Variants in SNX30 observed in about 807,000 individuals in gnomAD.
SNX30 encodes the protein sorting nexin-30.
In SNX30, 24 loss-of-function variants were observed where a neutral mutation model predicts 46.4. That is an observed-to-expected ratio of 0.52 (90% CI 0.37 to 0.73). SNX30 has a LOEUF of 0.73. SNX30 is among the 30% of genes least tolerant of loss of function. The pLI is 0.00. For missense variants in SNX30, 533 were observed against 555.7 expected (o/e 0.96, Z 0.41); for synonymous variants, 189 against 211.5 (o/e 0.89, Z 0.92).
At chr9:112,795,915 A>G (rs1840102026) in intron 1 of SNX30, among the ~76,000 whole-genome samples, 1 of 152,164 alleles carries the variant, frequency 6.6e-6, no homozygotes, top group Non-Finnish European at 1.5e-5. Flanking sequence ...GTGTCTTCAA[A>G]GTATTGAGAA....
intron 8 of SNX30, among the ~76,000 whole-genome samples, chr9:112,867,758 C>T (rs1841384993): frequency 6.7e-6 from 1 of 150,098 alleles, no homozygotes. Flanking sequence ...AACCTCTCCC[C>T]ACCTCCCCCA....
chr9:112,804,966 A>G lies in SNX30; in HGVS notation c.347A>G (p.Lys116Arg). ...TACATCACCTATAGGATCACCACCA[A>G]AGTAGGTCCCTGTGTTATAGAATGC... ...ETYITYRITTKSTRVEFDLPE... is the reference protein window; with the variant it reads ...ETYITYRITTRSTRVEFDLPE... The change falls in exon 2 of 9, where the codon AAA (lysine) becomes AGA (arginine). Residue 116 changes from lysine to arginine, a missense_variant and splice_region_variant. By Grantham distance (26) the Lys-to-Arg change is conservative (BLOSUM62 2). Coordinates refer to ENST00000374232, the MANE Select transcript of SNX30 (RefSeq NM_001012994.2). 2.5e-6 allele frequency: 4 copies of G among 1,589,410 alleles called. No individual in the cohort carries two copies. Among genetic ancestry groups the G allele is most frequent in the Non-Finnish European group, 3.4e-6 (4 of 1,163,906 alleles).
At chr9:112,765,323 T>C (rs1277270713) in intron 1 of SNX30, among the ~76,000 whole-genome samples, 1 of 152,252 alleles carries the variant, frequency 6.6e-6, no homozygotes, top group African/African-American at 2.4e-5. Context: ...AAATTCACCC[T>C]TTTAAAGCAT....
At chr9:112,789,909 C>T (rs1839993292) in intron 1 of SNX30, among the ~76,000 whole-genome samples, 1 of 152,174 alleles carries the variant, frequency 6.6e-6, no homozygotes, top group African/African-American at 2.4e-5. Context: ...AGCTTTGAAA[C>T]AGGTGATCTC....
At chr9:112,832,566 G>T (rs187927207) in intron 4 of SNX30, among the ~76,000 whole-genome samples, 100 of 138,378 alleles carry the variant, frequency 7.2e-4, no homozygotes, top group Admixed American at 2.1e-3. Context: ...AAAAATATAA[G>T]GTCCTTATAT....
At position 112,841,009 on chromosome 9, in the gene SNX30, G is replaced by A. The variant is rs368490442; in HGVS notation, c.1014+2312G>A. Among the ~76,000 whole-genome samples the A allele has an allele frequency of 3.4e-4, 52 of 152,050 alleles. No homozygotes were observed. In the South Asian group the frequency reaches 8.9e-3, roughly 26 times the overall value. ...GATCTCCTGACCTCGTGATCCGCCC[G>A]CCTCGGCCTCCCAAAGTGCTGGGAT... On this transcript the variant is annotated intron_variant, in intron 6 of 8. Transcript: ENST00000374232.
chr9:112,857,142 C>G (rs1307582062), intron 7 of SNX30, among the ~76,000 whole-genome samples: 1 of 152,224 alleles, frequency 6.6e-6, no homozygotes, highest in Non-Finnish European at 1.5e-5. Context: ...GGGCTTCACT[C>G]TCGTGTCATT....
intron 2 of SNX30, among the ~76,000 whole-genome samples, chr9:112,811,005 G>A (rs1840310716): frequency 6.6e-6 from 1 of 152,166 alleles, no homozygotes; most frequent in African/African-American, 2.4e-5. Flanking sequence ...AGGGAGGCCC[G>A]ATTCTCAGGG....
intron 1 of SNX30, among the ~76,000 whole-genome samples, chr9:112,751,831 C>G (rs993743089): frequency 6.6e-6 from 1 of 152,092 alleles, no homozygotes; most frequent in Non-Finnish European, 1.5e-5. Context: ...GCCCTTTGAC[C>G]TTCTTTGTAC....
Position 112,862,886 on chromosome 9 carries a change from C to T in SNX30, c.1102-1361C>T, listed in dbSNP as rs1257835552. Among the ~76,000 whole-genome samples the T allele has an allele frequency of 9.2e-5, 14 of 151,990 alleles. No homozygotes were observed. In the East Asian group the frequency reaches 2.5e-3, roughly 28 times the overall value. Reference sequence around the variant, plus strand: ...ATTTTTTTTTTCCCTCTTCCAGAAGCTTATGTGCTTTGAAGAAGGCCTCTT... The same window carrying T: ...ATTTTTTTTTTCCCTCTTCCAGAAGTTTATGTGCTTTGAAGAAGGCCTCTT... On this transcript the variant is annotated intron_variant, in intron 7 of 8. Coordinates refer to ENST00000374232, the MANE Select transcript of SNX30 (RefSeq NM_001012994.2).
At chr9:112,848,120 G>A (rs554175748) in intron 6 of SNX30, among the ~76,000 whole-genome samples, 6 of 152,106 alleles carry the variant, frequency 3.9e-5, no homozygotes, top group African/African-American at 1.2e-4. Context: ...TGTGCCCTTC[G>A]CCTTTTTGAT....
intron 5 of SNX30, chr9:112,881,400 A>G (rs73536648): frequency 0.14 from 21,032 of 152,252 alleles, 1,745 homozygotes; most frequent in African/African-American, 0.22. Flanking sequence ...AGGGGCACTG[A>G]CTGTACTTAA....
chr9:112,755,279 A>G (rs1201354977), intron 1 of SNX30, among the ~76,000 whole-genome samples: 1 of 152,214 alleles, frequency 6.6e-6, no homozygotes. Context: ...GTGGGTGAGT[A>G]TCTGAAGAAG....
At chr9:112,840,064 CTG>C (rs1840830719) in intron 6 of SNX30, among the ~76,000 whole-genome samples, 1 of 152,240 alleles carries the variant, frequency 6.6e-6, no homozygotes. Flanking sequence ...ACGTACTAAA[CTG>C]TGGACGGTGG....
At chr9:112,807,429 C>G (rs1307052463) in intron 2 of SNX30, among the ~76,000 whole-genome samples, 2 of 152,128 alleles carry the variant, frequency 1.3e-5, no homozygotes, top group African/African-American at 4.8e-5. Context: ...TACGTGTGCA[C>G]ATGCATAGTC....
intron 4 of SNX30, among the ~76,000 whole-genome samples, chr9:112,834,620 G>A (rs1418777056): frequency 6.6e-6 from 1 of 152,074 alleles, no homozygotes; most frequent in Non-Finnish European, 1.5e-5. Flanking sequence ...TGGAAGCTTC[G>A]TGACAGCAGC....
chr9:112,834,071 C>T (rs1010611924), intron 4 of SNX30, among the ~76,000 whole-genome samples: 9 of 140,172 alleles, frequency 6.4e-5, no homozygotes, highest in African/African-American at 2.4e-4. Context: ...ATAGGTGTTC[C>T]AGAAAAACTC....
chr9:112,817,400 G>GATTTTTTTTTTTTT (rs1256963697), intron 2 of SNX30, among the ~76,000 whole-genome samples: 1 of 34,390 alleles, frequency 2.9e-5, no homozygotes, highest in African/African-American at 2.0e-4. Flanking sequence ...AAAAAAACTG[G>GATTTTTTTTTTTTT]CTTTTTTTTT....
intron 1 of SNX30, among the ~76,000 whole-genome samples, chr9:112,788,569 TCA>T (rs150370831): frequency 0.025 from 3,733 of 152,226 alleles, 154 homozygotes; most frequent in African/African-American, 0.081. Context: ...CCTGGGCTCC[TCA>T]CACACCACTC....
Sources: allele counts gnomAD v4.1 joint callset (sites outside exome capture counted in the v4.1 genomes callset), GRCh38; gene constraint gnomAD v4.1.1; transcripts MANE v1.5; gene names NCBI Gene and HGNC (gene_info 2026-07-23, HGNC 2026-07-21).